RPN2: variants seen among roughly 807,000 people sequenced by gnomAD.
RPN2 encodes the protein dolichyl-diphosphooligosaccharide--protein glycosyltransferase subunit 2.
Under a neutral mutation model 71.4 loss-of-function variants are expected in RPN2, and 29 were observed. The ratio of observed to expected loss-of-function variants is 0.41; its 90% CI spans 0.30 to 0.55. The LOEUF is 0.55. RPN2 is among the 20% of genes least tolerant of loss of function. RPN2 has a pLI of 0.35. For synonymous variants in RPN2, 308 were observed against 305.0 expected (o/e 1.01, Z -0.10); for missense variants, 726 against 774.1 (o/e 0.94, Z 0.74).
intron 16 of RPN2, chr20:37,238,811 C>G (rs1311628616): frequency 1.8e-6 from 1 of 544,042 alleles, no homozygotes; most frequent in Non-Finnish European, 3.6e-6. Flanking sequence ...ATCCAAAATT[C>G]ATTAAATGAC....
chr20:37,179,387 G>GCTTACAGACAGGGCCCCGCGGCCGGCACT lies in RPN2; in HGVS notation c.13+21_13+22insACAGACAGGGCCCCGCGGCCGGCACTCTT, dbSNP rs11467214. On this transcript the variant is annotated intron_variant, in intron 1 of 16. Transcript: ENST00000237530. ...GCCGCCGGGTGAGGAGTTGCGCGTGGCTTTGGGGAGAGGGCTGTCGCCCGC... is the reference window on the plus strand; with the variant it reads ...GCCGCCGGGTGAGGAGTTGCGCGTGGCTTACAGACAGGGCCCCGCGGCCGGCACTCTTTGGGGAGAGGGCTGTCGCCCGC... 0.19 allele frequency: 289,034 copies of GCTTACAGACAGGGCCCCGCGGCCGGCACT among 1,507,316 alleles called. 30,895 individuals carry two copies. The highest frequency in any genetic ancestry group is 0.42 in the East Asian group (16,853 of 39,966). The allele number at this position is 1,507,316 out of a possible 1,614,324, so 93.4% of individuals were successfully genotyped here.
At chr20:37,190,212 T>G (rs1270337581) in intron 2 of RPN2, among the ~76,000 whole-genome samples, 2 of 152,150 alleles carry the variant, frequency 1.3e-5, no homozygotes, top group African/African-American at 4.8e-5. Context: ...ATAGGAGATT[T>G]AGGTTGAACA....
intron 2 of RPN2, 59 bp downstream of exon 2, chr20:37,184,432 T>G: frequency 7.3e-7 from 1 of 1,363,002 alleles, no homozygotes. Flanking sequence ...ATCCCCTCAC[T>G]ATATTCCTTT....
chr20:37,226,963 G>C (rs1044216963), intron 11 of RPN2, among the ~76,000 whole-genome samples: 2 of 152,228 alleles, frequency 1.3e-5, no homozygotes, highest in East Asian at 3.8e-4. Flanking sequence ...TTGTTGCCTT[G>C]AGGCAGCTTC....
intron 11 of RPN2, among the ~76,000 whole-genome samples, chr20:37,227,870 T>C (rs2068119194): frequency 6.6e-6 from 1 of 152,232 alleles, no homozygotes; most frequent in Admixed American, 6.5e-5. Flanking sequence ...AGCTAGCATA[T>C]ACCGTTCCCT....
chr20:37,230,627 TGG>T (rs2068215527), intron 13 of RPN2, among the ~76,000 whole-genome samples: 1 of 152,154 alleles, frequency 6.6e-6, no homozygotes, highest in Non-Finnish European at 1.5e-5. Flanking sequence ...GAAACTGAGG[TGG>T]ATCCACTCAG....
chr20:37,238,903 G>T (rs549023929), intron 16 of RPN2: 75 of 495,630 alleles, frequency 1.5e-4, no homozygotes, highest in African/African-American at 1.0e-3. Flanking sequence ...GCTAAACATT[G>T]TGGTCTGGGG....
chr20:37,182,285 G>C (rs1488915210), intron 1 of RPN2, among the ~76,000 whole-genome samples: 2 of 151,962 alleles, frequency 1.3e-5, no homozygotes, highest in African/African-American at 4.8e-5. Flanking sequence ...GTAGAGACAG[G>C]GTTTCACCAT....
At chr20:37,180,199 G>A (rs928946372) in intron 1 of RPN2, among the ~76,000 whole-genome samples, 1 of 152,194 alleles carries the variant, frequency 6.6e-6, no homozygotes, top group Admixed American at 6.5e-5. Context: ...TGCCCAGGGT[G>A]ACACATGAAT....
chr20:37,229,725 C>T, intron 12 of RPN2: 2 of 543,156 alleles, frequency 3.7e-6, no homozygotes. Flanking sequence ...TTGTATTAAG[C>T]AGCTCTATGG....
chr20:37,194,482 G>A (rs2067212106), intron 2 of RPN2, among the ~76,000 whole-genome samples: 1 of 152,126 alleles, frequency 6.6e-6, no homozygotes, highest in Non-Finnish European at 1.5e-5. Flanking sequence ...GGCTGGTCTC[G>A]AACTCCTGAC....
chr20:37,241,509 C>T lies in RPN2; in HGVS notation c.*194C>T. 3 of 656,276 alleles carry T rather than the reference C, an allele frequency of 4.6e-6. No individual in the cohort carries two copies. The highest frequency in any genetic ancestry group is 2.8e-5 in the Admixed American group (1 of 35,802). The allele number at this position is 656,276 out of a possible 1,614,324, so 40.7% of individuals were successfully genotyped here. A position where few individuals can be genotyped will look rare whatever the true frequency, so the allele number is the denominator to read the frequency against. Reference sequence around the variant, plus strand: ...GATACCTGGTGAGCTCAGATAGTCTCTTTCTCTGACACTGTGTAAGAAGCT... The same window carrying T: ...GATACCTGGTGAGCTCAGATAGTCTTTTTCTCTGACACTGTGTAAGAAGCT... On this transcript the variant is annotated 3_prime_UTR_variant, in exon 17 of 17. Transcript: ENST00000237530.
chr20:37,189,696 A>G (rs2067101012), intron 2 of RPN2, among the ~76,000 whole-genome samples: 1 of 152,310 alleles, frequency 6.6e-6, no homozygotes, highest in South Asian at 2.1e-4. Context: ...GAGTCAGTTA[A>G]CTCAAGCTTT....
intron 14 of RPN2, among the ~76,000 whole-genome samples, chr20:37,233,720 G>T (rs1041334584): frequency 2.0e-5 from 3 of 152,196 alleles, no homozygotes; most frequent in African/African-American, 7.2e-5. Context: ...TGACCTTTCA[G>T]CTTCATGGTC....
At chr20:37,191,150 G>A (rs1260150018) in intron 2 of RPN2, among the ~76,000 whole-genome samples, 1 of 152,192 alleles carries the variant, frequency 6.6e-6, no homozygotes, top group Non-Finnish European at 1.5e-5. Context: ...GGAGACAGCA[G>A]TGTGGAATGA....
rs552189623 is a variant in RPN2, at chr20:37,192,362, C to G, written c.208-6035C>G. Among the ~76,000 whole-genome samples the G allele has an allele frequency of 7.2e-5, 11 of 152,322 alleles. No individual in the cohort carries two copies. The South Asian group carries it at 2.3e-3, about 32-fold the overall frequency. On this transcript the variant is annotated intron_variant, in intron 2 of 16. Coordinates refer to ENST00000237530, the MANE Select transcript of RPN2 (RefSeq NM_002951.5). ...TAAGTGCAGAGAAGACAAGAGAGCT[C>G]ATTATCCATTGAGAGTACCATAATA...
intron 3 of RPN2, among the ~76,000 whole-genome samples, chr20:37,198,738 T>G (rs1229980587): frequency 6.6e-6 from 1 of 152,148 alleles, no homozygotes; most frequent in Non-Finnish European, 1.5e-5. Context: ...AGGTCTTGAT[T>G]TTTTCCTTTC....
chr20:37,218,652 C>G (rs1600813947), intron 9 of RPN2, among the ~76,000 whole-genome samples: 1 of 152,144 alleles, frequency 6.6e-6, no homozygotes, highest in Middle Eastern at 3.4e-3. Flanking sequence ...ATTTATCACC[C>G]TGGAGAGCAA....
chr20:37,190,783 T>G (rs184741854), intron 2 of RPN2, among the ~76,000 whole-genome samples: 1 of 152,352 alleles, frequency 6.6e-6, no homozygotes, highest in African/African-American at 2.4e-5. Context: ...AATCACATAC[T>G]CCATTCTAAT....
Sources: gnomAD v4.1 joint callset for allele counts (sites outside exome capture counted in the v4.1 genomes callset) on GRCh38, gnomAD v4.1.1 for gene constraint, MANE v1.5 for transcripts, NCBI Gene and HGNC (gene_info 2026-07-23, HGNC 2026-07-21) for gene names.